The following DNAH5 variants were observed in gnomAD, a reference collection of about 807,000 sequenced individuals.
DNAH5 encodes axonemal beta dynein heavy chain 5.
In DNAH5, 372 loss-of-function variants were observed where a neutral mutation model predicts 518.2. That is an observed-to-expected ratio of 0.72 (90% CI 0.66 to 0.78). DNAH5 has a LOEUF of 0.78. Ranked by LOEUF, DNAH5 falls within the 30% of genes least tolerant of loss-of-function variation. DNAH5 has a pLI of 0.00. For missense variants in DNAH5, 5,523 were observed against 5,687.0 expected (o/e 0.97, Z 0.93); for synonymous variants, 2,039 against 2,025.9 (o/e 1.01, Z -0.17).
At chr5:13,693,479 C>T (rs1004277132) in intron 78 of DNAH5, among the ~76,000 whole-genome samples, 7 of 152,130 alleles carry the variant, frequency 4.6e-5, no homozygotes, top group African/African-American at 1.4e-4. Context: ...AGAAGTGAAA[C>T]GTTTGAATAC....
In DNAH5 at chr5:13,700,803, C is replaced by A; in HGVS notation, c.13560G>T (p.Trp4520Cys). 6.2e-7 allele frequency: 1 copy of A among 1,614,118 alleles called. No homozygotes were observed. The highest frequency in any genetic ancestry group is 1.1e-5 in the South Asian group (1 of 91,078). The change falls in exon 78 of 79, where the codon TGG becomes TGT. Residue 4520 changes from tryptophan (W) to cysteine (C), a missense_variant. Physicochemically the swap from Trp to Cys is radical, Grantham distance 215. Transcript: ENST00000265104. ...GAGGGGCAGAAATGTCGTCCTTCAT[C>A]CATTTGGTGACTTCATTGCAAAGCA... ...NMVLCNEVTK[W>C]MKDDISAPPT...
intron 35 of DNAH5, among the ~76,000 whole-genome samples, chr5:13,837,847 C>T (rs375076573): frequency 6.6e-6 from 1 of 151,892 alleles, no homozygotes; most frequent in Non-Finnish European, 1.5e-5. Flanking sequence ...ACTATGGCCA[C>T]GTGCCACCAT....
At chr5:13,807,239 T>C (rs1432882549) in intron 47 of DNAH5, among the ~76,000 whole-genome samples, 2 of 152,196 alleles carry the variant, frequency 1.3e-5, no homozygotes, top group Admixed American at 1.3e-4. Flanking sequence ...TAGGAACACC[T>C]TCAGGCAAGC....
intron 75 of DNAH5, among the ~76,000 whole-genome samples, chr5:13,713,373 AC>A (rs1743817044): frequency 7.1e-6 from 1 of 141,404 alleles, no homozygotes; most frequent in Non-Finnish European, 1.5e-5. Context: ...ATATATATAT[AC>A]CGACATATAT....
intron 47 of DNAH5, among the ~76,000 whole-genome samples, chr5:13,798,394 G>A (rs1432098501): frequency 1.3e-5 from 2 of 152,000 alleles, no homozygotes; most frequent in Non-Finnish European, 2.9e-5. Flanking sequence ...CAAACAGAAA[G>A]GGCTTTGAAG....
chr5:13,770,953 T>C lies in DNAH5; in HGVS notation c.9401A>G (p.Asp3134Gly), dbSNP rs748094108. 6.2e-7 allele frequency: 1 copy of C among 1,613,878 alleles called. No individual in the cohort carries two copies. Among genetic ancestry groups the C allele is most frequent in the Admixed American group, 1.7e-5 (1 of 60,000 alleles). The change falls in exon 56 of 79, where the codon GAT (aspartate) becomes GGT (glycine). Residue 3134 changes from aspartate (D) to glycine (G), a missense_variant. Physicochemically the swap from Asp to Gly is moderately conservative, Grantham distance 94. Coordinates refer to ENST00000265104, the MANE Select transcript of DNAH5 (RefSeq NM_001369.3). ...AVSEHFLTSY[D>G]IDCSLEIKKE... ...CTTGATTTCCAAACTGCAGTCAATA[T>C]CATAGGAAGTGAGGAAGTGTTCAGA...
chr5:13,736,535 C>T (rs535691554), intron 66 of DNAH5, among the ~76,000 whole-genome samples: 1 of 151,990 alleles, frequency 6.6e-6, no homozygotes, highest in South Asian at 2.1e-4. Flanking sequence ...GCTGGGATTA[C>T]AGGCGCCCAC....
At chr5:13,866,608 T>A (rs1769293042) in intron 25 of DNAH5, among the ~76,000 whole-genome samples, 1 of 152,220 alleles carries the variant, frequency 6.6e-6, no homozygotes, top group Non-Finnish European at 1.5e-5. Flanking sequence ...TTCAGCTAAA[T>A]GCTAATATCA....
At position 13,780,903 on chromosome 5, in the gene DNAH5, T is replaced by C; in HGVS notation, c.8877A>G (p.Gly2959=). The change falls in exon 53 of 79, where the codon GGA becomes GGG. Residue 2959 remains glycine, a synonymous_variant. Transcript: ENST00000265104. ...QGNALLVGVG[G]SGKQSLTRLA... is the part of the protein sequence containing the mutation. The stretch of plus-strand genomic sequence containing the variant: ...ACCTCGTCAGGCTCTGCTTTCCTGA[T>C]CCGCCCACCCCGACCAGGAGGGCAT... 1 of 1,613,794 alleles carries C rather than the reference T, an allele frequency of 6.2e-7. No individual in the cohort carries two copies. The highest frequency in any genetic ancestry group is 8.5e-7 in the Non-Finnish European group (1 of 1,179,804).
At chr5:13,740,131 C>G (rs1748228201) in intron 65 of DNAH5, among the ~76,000 whole-genome samples, 1 of 152,088 alleles carries the variant, frequency 6.6e-6, no homozygotes, top group Non-Finnish European at 1.5e-5. Flanking sequence ...TCAAATTCAA[C>G]AACAAATTCA....
At chr5:13,727,479 AT>A in intron 70 of DNAH5, 27 bp downstream of exon 70, 1 of 1,587,702 alleles carries the variant, frequency 6.3e-7, no homozygotes, top group Non-Finnish European at 8.6e-7. Flanking sequence ...ATATTCTCTC[AT>A]TTTTCTCTTT....
At chr5:13,779,737 A>G (rs1754811951) in intron 53 of DNAH5, among the ~76,000 whole-genome samples, 1 of 152,084 alleles carries the variant, frequency 6.6e-6, no homozygotes, top group African/African-American at 2.4e-5. Flanking sequence ...AAGAAGCAGC[A>G]CCATCTAGAT....
chr5:13,924,635 A>G lies in DNAH5; in HGVS notation c.278-1195T>C, dbSNP rs368982752. On this transcript the variant is annotated intron_variant, in intron 3 of 78. Transcript: ENST00000265104. ...GGTTGTGGTCAGCCAAGATCACACC[A>G]TTGCACTCTAGGCTGAGCAACAAGA... 2.4e-4 allele frequency among the ~76,000 whole-genome samples: 36 copies of G among 150,986 alleles called. 1 individual carries two copies. In the East Asian group the frequency reaches 7.1e-3, roughly 30 times the overall value.
chr5:13,865,584 G>A, intron 27 of DNAH5, 84 bp downstream of exon 27: 1 of 843,018 alleles, frequency 1.2e-6, no homozygotes, highest in South Asian at 1.3e-5. Flanking sequence ...AAATAGCTGG[G>A]GTGAAAAGAG....
At chr5:13,803,197 T>C (rs1759050592) in intron 47 of DNAH5, among the ~76,000 whole-genome samples, 1 of 152,192 alleles carries the variant, frequency 6.6e-6, no homozygotes, top group South Asian at 2.1e-4. Context: ...TAGGTTTTCA[T>C]ATGTGTGCTA....
intron 24 of DNAH5, 111 bp from the exon 25 acceptor site, chr5:13,868,103 C>T: frequency 1.2e-6 from 1 of 861,682 alleles, no homozygotes; most frequent in South Asian, 1.5e-5. Context: ...GTGAAACTAC[C>T]CTGAGAGTTC....
rs115056254 is a variant in DNAH5 at position 13,764,226 on chromosome 5, T to C, written c.10102-1325A>G. Among the ~76,000 whole-genome samples the C allele has an allele frequency of 9.7e-3, 1,480 of 152,260 alleles. 21 individuals are homozygous for C. Among genetic ancestry groups the C allele is most frequent in the African/African-American group, 0.034 (1,419 of 41,530 alleles). The stretch of plus-strand genomic sequence containing the variant: ...GGGCAAAGATCTCCTAAACAGAACA[T>C]AGAAAGCACTATTAGGGAAAATATT... On this transcript the variant is annotated intron_variant, in intron 59 of 78. Transcript: ENST00000265104.
intron 75 of DNAH5, among the ~76,000 whole-genome samples, chr5:13,712,930 T>G (rs1276058364): frequency 1.3e-5 from 2 of 151,878 alleles, no homozygotes; most frequent in Non-Finnish European, 2.9e-5. Context: ...CTTTAAAAAG[T>G]AGAACTACCA....
At chr5:13,960,255 T>C (rs914149451) in intron 1 of DNAH5, among the ~76,000 whole-genome samples, 1 of 152,066 alleles carries the variant, frequency 6.6e-6, no homozygotes, top group African/African-American at 2.4e-5. Context: ...AGAAACGAGG[T>C]GGACCGTACT....
Sources: gnomAD v4.1 joint callset for allele counts (sites outside exome capture counted in the v4.1 genomes callset) on GRCh38, gnomAD v4.1.1 for gene constraint, MANE v1.5 for transcripts, NCBI Gene and HGNC (gene_info 2026-07-23, HGNC 2026-07-21) for gene names.